The following RWDD1 variants were observed in gnomAD, a reference collection of about 807,000 sequenced individuals.
RWDD1 encodes RWD domain containing 1.
In RWDD1, 17 loss-of-function variants were observed where a neutral mutation model predicts 31.6. The ratio of observed to expected loss-of-function variants is 0.54; its 90% confidence interval spans 0.37 to 0.81. The LOEUF is 0.81. Among genes scored for constraint, RWDD1 ranks in the 30% least tolerant of loss-of-function variants. The pLI, the probability that RWDD1 is intolerant of heterozygous loss-of-function variation, is 0.00. For missense variants in RWDD1, 204 were observed against 274.5 expected (o/e 0.74, Z 1.82); for synonymous variants, 78 against 94.2 (o/e 0.83, Z 0.99).
Position 116,588,919 on chromosome 6 carries a change from T to C in RWDD1, c.348T>C (p.Asp116=). The stretch of plus-strand genomic sequence containing the variant: ...AAGAAAAATTAAATGAAATAGTAGA[T>C]CAGATAAAAACTAGAAGAGAAGAAG... The part of the protein sequence containing the change: ...AVQEKLNEIV[D]QIKTRREEEK... Residue 116 remains aspartate (D), a synonymous_variant, in exon 4 of 7, where the codon GAT becomes GAC. Transcript: ENST00000466444. The C allele has an allele frequency of 6.7e-7, 1 of 1,483,256 alleles. No individual in the cohort carries two copies. 91.9% of individuals were successfully genotyped at this position (1,483,256 alleles called of 1,614,324 possible). A position where few individuals can be genotyped will look rare whatever the true frequency, so the allele number is the denominator to read the frequency against.
chr6:116,581,898 T>TA (rs1212721396), intron 2 of RWDD1, among the ~76,000 whole-genome samples: 1 of 152,072 alleles, frequency 6.6e-6, no homozygotes, highest in African/African-American at 2.4e-5. Context: ...ATGTTTATAA[T>TA]GTCATTGTTT....
rs1186591520 is a variant in RWDD1, at chr6:116,577,798, AGAAC to A, written c.74-2496_74-2493del. Among the ~76,000 whole-genome samples, 4 of 152,096 alleles carry A rather than the reference AGAAC, an allele frequency of 2.6e-5. No homozygotes were observed. The East Asian group carries it at 7.7e-4, about 29-fold the overall frequency. ...GTTAGATTTGTCTTCCTATGTTTTG[AGAAC>A]AATTCTGATCATATTATTGCTAAAA... On this transcript the variant is annotated intron_variant, in intron 1 of 6. Transcript: ENST00000466444.
intron 3 of RWDD1, among the ~76,000 whole-genome samples, chr6:116,587,488 A>C (rs1775063881): frequency 6.6e-6 from 1 of 152,140 alleles, no homozygotes; most frequent in Non-Finnish European, 1.5e-5. Context: ...GGTGGTGATA[A>C]GTGGTGTAAC....
intron 1 of RWDD1, among the ~76,000 whole-genome samples, chr6:116,575,946 T>G (rs554204938): frequency 6.6e-6 from 1 of 152,360 alleles, no homozygotes; most frequent in African/African-American, 2.4e-5. Flanking sequence ...TAGTGGGAAC[T>G]TAGTCATTTG....
Position 116,593,280 on chromosome 6 carries a change from C to G in RWDD1, c.*179C>G, listed in dbSNP as rs561647826. ...CTTAAAATTTCAAATATAAAATGTTCAAGGCTTCTTACTGTTGAGCACAAG... is the reference window on the plus strand; with the variant it reads ...CTTAAAATTTCAAATATAAAATGTTGAAGGCTTCTTACTGTTGAGCACAAG... On this transcript the variant is annotated 3_prime_UTR_variant, in exon 7 of 7. Coordinates refer to ENST00000466444, the MANE Select transcript of RWDD1 (RefSeq NM_015952.4). The G allele has an allele frequency of 1.6e-4, 93 of 577,998 alleles. No homozygotes were observed. In the East Asian group the frequency reaches 1.6e-3, roughly 10 times the overall value. 35.8% of individuals were successfully genotyped at this position (577,998 alleles called of 1,614,324 possible).
At chr6:116,590,518 G>A in intron 5 of RWDD1, 114 bp downstream of exon 5, 1 of 1,302,692 alleles carries the variant, frequency 7.7e-7, no homozygotes, top group South Asian at 1.8e-5. Context: ...TAGGCATCTA[G>A]GACAAAAAGA....
intron 3 of RWDD1, among the ~76,000 whole-genome samples, chr6:116,585,079 C>T (rs1775014939): frequency 6.6e-6 from 1 of 152,112 alleles, no homozygotes; most frequent in South Asian, 2.1e-4. Flanking sequence ...CTCAGTCAGC[C>T]TCATGGCTTT....
In RWDD1 at chr6:116,593,243, T is replaced by G; in HGVS notation, c.*142T>G. 1 of 776,912 alleles carries G rather than the reference T, an allele frequency of 1.3e-6. No individual in the cohort carries two copies. Among genetic ancestry groups the G allele is most frequent in the Non-Finnish European group, 1.9e-6 (1 of 531,980 alleles). 48.1% of individuals were successfully genotyped at this position (776,912 alleles called of 1,614,324 possible). A position where few individuals can be genotyped will look rare whatever the true frequency, so the allele number is the denominator to read the frequency against. On this transcript the variant is annotated 3_prime_UTR_variant, in exon 7 of 7. Transcript: ENST00000466444. ...TTCTGATAGCTTTCATCATTGAACTTAATAAACTGACCTTAAAATTTCAAA... is the reference window on the plus strand; with the variant it reads ...TTCTGATAGCTTTCATCATTGAACTGAATAAACTGACCTTAAAATTTCAAA...
At chr6:116,592,464 T>C (rs565964298) in intron 6 of RWDD1, among the ~76,000 whole-genome samples, 16 of 152,238 alleles carry the variant, frequency 1.1e-4, no homozygotes, top group Non-Finnish European at 2.2e-4. Context: ...GTGAAGATGT[T>C]TAATGCAGAG....
At position 116,593,911 on chromosome 6, in the gene RWDD1, C is replaced by A. The variant is rs1019773679; in HGVS notation, c.*810C>A. ...AGTGAGCCGAGATCACGCCACTGCA[C>A]TCCAGCCTGGGCAACAGAGCAAGAC... On this transcript the variant is annotated 3_prime_UTR_variant, in exon 7 of 7. Transcript: ENST00000466444. 6.6e-6 allele frequency: 1 copy of A among 151,576 alleles called. No individual in the cohort carries two copies. The highest frequency in any genetic ancestry group is 1.5e-5 in the Non-Finnish European group (1 of 68,004). 9.4% of individuals were successfully genotyped at this position (151,576 alleles called of 1,614,324 possible).
chr6:116,572,753 T>C (rs1369248476), intron 1 of RWDD1: 3 of 673,648 alleles, frequency 4.5e-6, no homozygotes, highest in African/African-American at 3.9e-5. Flanking sequence ...CTTTAACTTA[T>C]AAATTCCAAC....
At chr6:116,591,207 T>TA (rs1178364621) in intron 6 of RWDD1, among the ~76,000 whole-genome samples, 1 of 152,220 alleles carries the variant, frequency 6.6e-6, no homozygotes, top group African/African-American at 2.4e-5. Flanking sequence ...CCAAGGCTGT[T>TA]AAAAAATACA....
In RWDD1 at chr6:116,587,201, G is replaced by T. The variant is rs141117934; in HGVS notation, c.271-1641G>T. 4.7e-3 allele frequency among the ~76,000 whole-genome samples: 711 copies of T among 152,208 alleles called. 19 individuals carry two copies. Among genetic ancestry groups the T allele is most frequent in the Admixed American group, 0.042 (640 of 15,278 alleles). ...ATTTTTTTCTCTGGTGAGAAGTGTG[G>T]ATTAGCAAATTGGAAATCATTATTC... On this transcript the variant is annotated intron_variant, in intron 3 of 6. Transcript: ENST00000466444.
chr6:116,584,917 T>G (rs980011671), intron 3 of RWDD1, 60 bp downstream of exon 3: 7 of 1,330,280 alleles, frequency 5.3e-6, no homozygotes, highest in Non-Finnish European at 7.4e-6. Flanking sequence ...ATATTACATA[T>G]TAATTTCAAG....
chr6:116,572,138 A>C (rs1372432519), intron 1 of RWDD1, among the ~76,000 whole-genome samples: 1 of 145,586 alleles, frequency 6.9e-6, no homozygotes, highest in Non-Finnish European at 1.5e-5. Flanking sequence ...ATAGTCCCTG[A>C]AGTCTGTCGG....
intron 6 of RWDD1, among the ~76,000 whole-genome samples, chr6:116,591,824 G>T (rs1205961078): frequency 6.6e-6 from 1 of 152,226 alleles, no homozygotes; most frequent in Non-Finnish European, 1.5e-5. Context: ...TTTCAGCCTT[G>T]TTCTGGATTA....
Position 116,571,538 on chromosome 6 carries a change from C to A in RWDD1, c.-45C>A. On this transcript the variant is annotated 5_prime_UTR_variant, in exon 1 of 7. Coordinates refer to ENST00000466444, the MANE Select transcript of RWDD1 (RefSeq NM_015952.4). ...CGGCAGCTGTCTGGGCTGCTGCGCGCCGCCTAGGTGTCTGGGCGATCTATG... is the reference window on the plus strand; with the variant it reads ...CGGCAGCTGTCTGGGCTGCTGCGCGACGCCTAGGTGTCTGGGCGATCTATG... The A allele has an allele frequency of 1.3e-6, 2 of 1,587,100 alleles. No individual in the cohort carries two copies. Among genetic ancestry groups the A allele is most frequent in the Non-Finnish European group, 1.7e-6 (2 of 1,164,878 alleles).
At chr6:116,588,814 T>C (rs1775085103) in intron 3 of RWDD1, 28 bp from the exon 4 acceptor site, 3 of 1,493,762 alleles carry the variant, frequency 2.0e-6, no homozygotes, top group Admixed American at 5.3e-5. Flanking sequence ...CTGAGAGTTA[T>C]TCCTCATCAC....
intron 1 of RWDD1, among the ~76,000 whole-genome samples, chr6:116,579,476 T>G (rs1254552319): frequency 1.3e-5 from 2 of 152,214 alleles, no homozygotes; most frequent in African/African-American, 4.8e-5. Flanking sequence ...ATTCTATTCA[T>G]TTAGTTCTTG....
Sources: gnomAD v4.1 joint callset for allele counts (sites outside exome capture counted in the v4.1 genomes callset) on GRCh38, gnomAD v4.1.1 for gene constraint, MANE v1.5 for transcripts, NCBI Gene and HGNC (gene_info 2026-07-23, HGNC 2026-07-21) for gene names.